The following RNF11 variants were observed in gnomAD, a reference collection of about 807,000 sequenced individuals.
The protein encoded by RNF11 is ring finger protein 11.
A neutral mutation model predicts 15.8 loss-of-function variants in RNF11; 4 were observed. The observed-to-expected ratio is 0.25, with a 90% CI of 0.12 to 0.58. RNF11 has a LOEUF of 0.58. Among genes scored for constraint, RNF11 ranks in the 20% least tolerant of loss-of-function variants. The pLI is 0.91. For missense variants in RNF11, 139 were observed against 194.4 expected (o/e 0.71, Z 1.70); for synonymous variants, 68 against 72.3 (o/e 0.94, Z 0.30).
intron 1 of RNF11, among the ~76,000 whole-genome samples, chr1:51,255,993 T>C (rs1260761005): frequency 2.0e-5 from 3 of 152,222 alleles, no homozygotes; most frequent in Non-Finnish European, 4.4e-5. Flanking sequence ...TGTCAATTTC[T>C]GCAAATGAGC....
chr1:51,260,950 C>T (rs1175023118), intron 1 of RNF11, among the ~76,000 whole-genome samples: 1 of 152,022 alleles, frequency 6.6e-6, no homozygotes, highest in African/African-American at 2.4e-5. Flanking sequence ...AACAAATTTG[C>T]TTAATAAAGT....
At chr1:51,252,182 G>T (rs1222246208) in intron 1 of RNF11, among the ~76,000 whole-genome samples, 1 of 151,420 alleles carries the variant, frequency 6.6e-6, no homozygotes, top group East Asian at 1.9e-4. Context: ...TCTTTTCTCT[G>T]GCTTATTTCG....
intron 1 of RNF11, among the ~76,000 whole-genome samples, chr1:51,266,566 G>A (rs917683313): frequency 2.6e-5 from 4 of 151,916 alleles, no homozygotes; most frequent in Admixed American, 2.0e-4. Context: ...GGGCTCAAGC[G>A]ATCCTGCTGC....
intron 1 of RNF11, among the ~76,000 whole-genome samples, chr1:51,247,787 G>A (rs1332355155): frequency 2.0e-5 from 3 of 152,158 alleles, no homozygotes; most frequent in South Asian, 2.1e-4. Context: ...GGCCAAATGA[G>A]TAATTATCTT....
chr1:51,254,918 T>C (rs1411299512), intron 1 of RNF11, among the ~76,000 whole-genome samples: 2 of 152,188 alleles, frequency 1.3e-5, no homozygotes, highest in African/African-American at 4.8e-5. Context: ...ATATGCTGGC[T>C]CTTACTAACT....
chr1:51,237,265 AC>A (rs961724474), intron 1 of RNF11, among the ~76,000 whole-genome samples: 7 of 144,562 alleles, frequency 4.8e-5, no homozygotes, highest in Non-Finnish European at 7.6e-5. Flanking sequence ...GCCAAGCACC[AC>A]CCCCCCGCCC....
At chr1:51,266,575 G>T (rs1646955595) in intron 1 of RNF11, among the ~76,000 whole-genome samples, 1 of 151,930 alleles carries the variant, frequency 6.6e-6, no homozygotes, top group Non-Finnish European at 1.5e-5. Context: ...CGATCCTGCT[G>T]CCTCAGTCCC....
intron 1 of RNF11, among the ~76,000 whole-genome samples, chr1:51,238,693 C>T (rs1479558895): frequency 3.9e-5 from 6 of 151,982 alleles, no homozygotes; most frequent in South Asian, 2.1e-4. Context: ...ACTGTCTTTC[C>T]CTCCTATGTT....
chr1:51,260,541 G>C (rs1301980273), intron 1 of RNF11, among the ~76,000 whole-genome samples: 1 of 152,060 alleles, frequency 6.6e-6, no homozygotes. Flanking sequence ...TTATCTTACT[G>C]ATTCAAAATT....
At chr1:51,251,568 G>A in intron 1 of RNF11, 1 of 557,974 alleles carries the variant, frequency 1.8e-6, no homozygotes, top group Non-Finnish European at 3.1e-6. Flanking sequence ...GGTATGTCAT[G>A]ATGGATGCAT....
intron 1 of RNF11, among the ~76,000 whole-genome samples, chr1:51,264,287 A>AATATATATATATATAT (rs1162466435): frequency 5.2e-4 from 17 of 32,522 alleles, no homozygotes; most frequent in Non-Finnish European, 8.0e-4. Flanking sequence ...AAAAAAAAAA[A>AATATATATATATATAT]ATATATATAT....
At chr1:51,243,059 G>T (rs975036139) in intron 1 of RNF11, among the ~76,000 whole-genome samples, 3 of 152,020 alleles carry the variant, frequency 2.0e-5, no homozygotes, top group Admixed American at 1.3e-4. Context: ...TCCTGTCTCT[G>T]CTGATTTGTC....
chr1:51,253,639 C>G (rs1166308990), intron 1 of RNF11, among the ~76,000 whole-genome samples: 1 of 151,776 alleles, frequency 6.6e-6, no homozygotes, highest in Non-Finnish European at 1.5e-5. Flanking sequence ...TTCTCTGTAC[C>G]CGCGTTCTAG....
At chr1:51,269,252 C>T (rs988764175) in intron 1 of RNF11, among the ~76,000 whole-genome samples, 3 of 152,264 alleles carry the variant, frequency 2.0e-5, no homozygotes, top group Admixed American at 2.0e-4. Flanking sequence ...AGCTTCATTC[C>T]ATCAGAGTTG....
intron 1 of RNF11, among the ~76,000 whole-genome samples, chr1:51,252,009 A>G (rs914898514): frequency 1.3e-5 from 2 of 149,238 alleles, no homozygotes; most frequent in Non-Finnish European, 3.0e-5. Flanking sequence ...AATCCGGGAG[A>G]CAGGTCGCAG....
At chr1:51,254,172 C>G (rs1646893884) in intron 1 of RNF11, among the ~76,000 whole-genome samples, 1 of 152,144 alleles carries the variant, frequency 6.6e-6, no homozygotes, top group African/African-American at 2.4e-5. Context: ...TTTGTGTTGG[C>G]ACATTCATGA....
At position 51,270,315 on chromosome 1, in the gene RNF11, A is replaced by T. The variant is rs180950101; in HGVS notation, c.293+190A>T. On this transcript the variant is annotated intron_variant, in intron 2 of 2. Transcript: ENST00000242719. ...ACTAGCAAGAGAATGTTATGTAGTA[A>T]TTAAGAATTTTCACAGGCCGAGCAC... 3.5e-3 allele frequency among the ~76,000 whole-genome samples: 537 copies of T among 152,320 alleles called. 1 individual carries two copies. Among genetic ancestry groups the T allele is most frequent in the Non-Finnish European group, 5.5e-3 (371 of 68,032 alleles).
intron 1 of RNF11, among the ~76,000 whole-genome samples, chr1:51,257,261 A>G (rs1364069534): frequency 6.6e-6 from 1 of 152,126 alleles, no homozygotes; most frequent in Admixed American, 6.5e-5. Flanking sequence ...AAAGTTTCGC[A>G]TGAGGATAAG....
chr1:51,271,419 C>T lies in RNF11; in HGVS notation c.*97C>T, dbSNP rs1374638850. ...AGAGCCAGGGATTAGGAATTAAGAT[C>T]GTGCACAAAAGTTTCCTTAAAATTC... is the stretch of plus-strand genomic sequence containing the variant. On this transcript the variant is annotated 3_prime_UTR_variant, in exon 3 of 3. Coordinates refer to ENST00000242719, the MANE Select transcript of RNF11 (RefSeq NM_014372.5). 4.9e-6 allele frequency: 5 copies of T among 1,024,676 alleles called. No homozygotes were observed. The highest frequency in any genetic ancestry group is 2.3e-5 in the South Asian group (1 of 43,790). 63.5% of individuals were successfully genotyped at this position (1,024,676 alleles called of 1,614,324 possible).
Sources: gnomAD v4.1 joint callset for allele counts (sites outside exome capture counted in the v4.1 genomes callset) on GRCh38, gnomAD v4.1.1 for gene constraint, MANE v1.5 for transcripts, NCBI Gene and HGNC (gene_info 2026-07-23, HGNC 2026-07-21) for gene names.